FNTB: variants seen among roughly 807,000 people sequenced by gnomAD.
FNTB encodes protein farnesyltransferase subunit beta.
FNTB carries 27 observed loss-of-function variants against 59.4 expected under a neutral mutation model. The observed-to-expected ratio is 0.45, with a 90% CI of 0.34 to 0.63. FNTB has a LOEUF of 0.63. Among genes scored for constraint, FNTB ranks in the 20% least tolerant of loss-of-function variants. FNTB has a pLI of 0.02. For synonymous variants in FNTB, 230 were observed against 220.7 expected, an observed-to-expected ratio of 1.04 and a Z score of -0.37; for missense variants, 449 against 559.6, an observed-to-expected ratio of 0.80 and a Z score of 1.99.
At position 65,012,368 on chromosome 14, in the gene FNTB, A is replaced by G. The variant is rs778042237; in HGVS notation, c.261A>G (p.Arg87=). ...TCCATTATCTGAAAAGAGGCCTTCGACAACTGACAGATGCCTATGAGGTAA... is the reference window on the plus strand; with the variant it reads ...TCCATTATCTGAAAAGAGGCCTTCGGCAACTGACAGATGCCTATGAGGTAA... The part of the protein sequence containing the change: ...KHFHYLKRGL[R]QLTDAYECLD... The change falls in exon 3 of 12, where the codon CGA becomes CGG. Residue 87 remains arginine, a synonymous_variant. Transcript: ENST00000246166. This position sits in a 1 kb window ranked among gnomAD's most constrained non-coding sequence, Gnocchi z 5.0. 6.2e-7 allele frequency: 1 copy of G among 1,614,192 alleles called. No individual in the cohort carries two copies.
intron 7 of FNTB, among the ~76,000 whole-genome samples, chr14:65,037,426 T>TGAGACG (rs2062224368): frequency 8.6e-6 from 1 of 115,988 alleles, no homozygotes; most frequent in African/African-American, 3.5e-5. Context: ...TTTTTTTTTT[T>TGAGACG]TTTTTTTTTT....
rs2062106200 is a variant in FNTB, at chr14:65,032,538, G to A, written c.606-72G>A. ...GCTTACTAGGCAAGGCGAGCAGTCC[G>A]CCCGCGGAGTTCACTGAGCCTCATT... is the stretch of plus-strand genomic sequence containing the variant. On this transcript the variant is annotated intron_variant, in intron 6 of 11. Transcript: ENST00000246166. This position sits in a 1 kb window ranked among gnomAD's most constrained non-coding sequence, Gnocchi z 5.0. 16 of 1,558,912 alleles carry A rather than the reference G, an allele frequency of 1.0e-5. 1 individual carries two copies. Among genetic ancestry groups the A allele is most frequent in the South Asian group, 5.8e-5 (5 of 85,800 alleles).
In FNTB at chr14:65,011,472, C is replaced by T. The variant is rs114370689; in HGVS notation, c.210-845C>T. ...AAAAAAGACTGCATGAAGGCTCTTA[C>T]TCTGAGCCAAGTACAGTGGGAATTT... is the stretch of plus-strand genomic sequence containing the variant. On this transcript the variant is annotated intron_variant, in intron 2 of 11. Coordinates refer to ENST00000246166, the MANE Select transcript of FNTB (RefSeq NM_002028.4). The surrounding 1 kb of genome is among the most constrained non-coding windows in gnomAD (Gnocchi z 4.0). Among the ~76,000 whole-genome samples the T allele has an allele frequency of 9.2e-3, 1,371 of 148,982 alleles. 21 individuals carry two copies. The highest frequency in any genetic ancestry group is 0.031 in the African/African-American group (1,270 of 40,566).
chr14:64,996,766 C>CTTTTTTTTTTTTTTTTTTTTTTTT (rs34327825), intron 1 of FNTB, among the ~76,000 whole-genome samples: 1 of 94,464 alleles, frequency 1.1e-5, no homozygotes, highest in Non-Finnish European at 2.1e-5. Context: ...TTGCTAACAT[C>CTTTTTTTTTTTTTTTTTTTTTTTT]TTTTTTTTTT....
chr14:65,015,581 G>T (rs780146704), intron 3 of FNTB, 44 bp from the exon 4 acceptor site: 1 of 1,608,866 alleles, frequency 6.2e-7, no homozygotes, highest in South Asian at 1.1e-5. Context: ...GTGTCTTGGA[G>T]TGATTGTGAA....
chr14:65,032,599 T>G lies in FNTB; in HGVS notation c.606-11T>G. 1 of 1,613,006 alleles carries G rather than the reference T, an allele frequency of 6.2e-7. No homozygotes were observed. The highest frequency in any genetic ancestry group is 8.5e-7 in the Non-Finnish European group (1 of 1,179,818). On this transcript the variant is annotated splice_polypyrimidine_tract_variant and intron_variant, in intron 6 of 11. Coordinates refer to ENST00000246166, the MANE Select transcript of FNTB (RefSeq NM_002028.4). This position sits in a 1 kb window ranked among gnomAD's most constrained non-coding sequence, Gnocchi z 5.0. ...TAGAGCTTAATGTGTTTCCCGTTTC[T>G]GTCTTTCCAGAAGCGCATACTGTGC... is the stretch of plus-strand genomic sequence containing the variant.
chr14:65,032,710 G>A lies in FNTB; in HGVS notation c.692+14G>A, dbSNP rs748420900. 6.2e-7 allele frequency: 1 copy of A among 1,612,350 alleles called. No homozygotes were observed. On this transcript the variant is annotated intron_variant, in intron 7 of 11. Coordinates refer to ENST00000246166, the MANE Select transcript of FNTB (RefSeq NM_002028.4). This position sits in a 1 kb window ranked among gnomAD's most constrained non-coding sequence, Gnocchi z 5.0. The stretch of plus-strand genomic sequence containing the variant: ...ATGGATAGCAAGGTGAGAGAAGCCA[G>A]GGTTTCTCCTGGCCTCTTGGAGAGC...
rs1181225967 is a variant in FNTB at position 65,044,713 on chromosome 14, G to A, written c.955+270G>A. ...GCTACGGGGAGCGGGGAGGAAGTGGGCGCTGCTTCTGCGTTATCTGGAAGG... is the reference window on the plus strand; with the variant it reads ...GCTACGGGGAGCGGGGAGGAAGTGGACGCTGCTTCTGCGTTATCTGGAAGG... On this transcript the variant is annotated intron_variant, in intron 9 of 11. Coordinates refer to ENST00000246166, the MANE Select transcript of FNTB (RefSeq NM_002028.4). The surrounding 1 kb of genome is among the most constrained non-coding windows in gnomAD (Gnocchi z 5.5). 2.1e-6 allele frequency: 1 copy of A among 477,912 alleles called. No individual in the cohort carries two copies. Among genetic ancestry groups the A allele is most frequent in the Non-Finnish European group, 3.6e-6 (1 of 281,450 alleles). 29.6% of individuals were successfully genotyped at this position (477,912 alleles called of 1,614,324 possible). A position where few individuals can be genotyped will look rare whatever the true frequency, so the allele number is the denominator to read the frequency against.
rs2061656328 is a variant in FNTB at position 65,009,822 on chromosome 14, C to G, written c.210-2495C>G. ...TGCTCTTCCCTTTGGGAAGAGTTTTCTGACCCTCCATCTCTTCCCGTGGCT... is the reference window on the plus strand; with the variant it reads ...TGCTCTTCCCTTTGGGAAGAGTTTTGTGACCCTCCATCTCTTCCCGTGGCT... On this transcript the variant is annotated intron_variant, in intron 2 of 11. Coordinates refer to ENST00000246166, the MANE Select transcript of FNTB (RefSeq NM_002028.4). This position sits in a 1 kb window ranked among gnomAD's most constrained non-coding sequence, Gnocchi z 4.2. Among the ~76,000 whole-genome samples the G allele has an allele frequency of 6.6e-6, 1 of 152,124 alleles. No individual in the cohort carries two copies.
At chr14:65,006,853 G>A (rs907883035) in intron 2 of FNTB, among the ~76,000 whole-genome samples, 3 of 152,146 alleles carry the variant, frequency 2.0e-5, no homozygotes, top group Admixed American at 6.5e-5. Context: ...TTATAGTCTG[G>A]GAGGAAGCAG....
rs778200008 is a variant in FNTB at position 65,000,838 on chromosome 14, A to AAAAAAAAG, written c.145-3408_145-3407insAAAAGAAA. ...CTCAAAAAAAAAAAAAAAAAAAAAAAAAAGAATAGTTACCCAAAAAGCTGG... is the reference window on the plus strand; with the variant it reads ...CTCAAAAAAAAAAAAAAAAAAAAAAAAAAAAAAGAAAGAATAGTTACCCAAAAAGCTGG... On this transcript the variant is annotated intron_variant, in intron 1 of 11. Transcript: ENST00000246166. 1.5e-4 allele frequency among the ~76,000 whole-genome samples: 17 copies of AAAAAAAAG among 116,090 alleles called. 2 individuals are homozygous for AAAAAAAAG. Among genetic ancestry groups the AAAAAAAAG allele is most frequent in the East Asian group, 7.0e-4 (3 of 4,284 alleles). 76.2% of individuals were successfully genotyped at this position (116,090 alleles called of 152,430 possible). A position where few individuals can be genotyped will look rare whatever the true frequency, so the allele number is the denominator to read the frequency against.
chr14:64,987,270 G>T, intron 1 of FNTB, 173 bp downstream of exon 1: 1 of 728,694 alleles, frequency 1.4e-6, no homozygotes, highest in Middle Eastern at 4.0e-4. Context: ...TCGTCGTGGA[G>T]CGTTTGCGCG....
At position 65,032,953 on chromosome 14, in the gene FNTB, T is replaced by A. The variant is rs2062114545; in HGVS notation, c.692+257T>A. 6.6e-6 allele frequency among the ~76,000 whole-genome samples: 1 copy of A among 152,224 alleles called. No individual in the cohort carries two copies. Among genetic ancestry groups the A allele is most frequent in the Admixed American group, 6.5e-5 (1 of 15,284 alleles). ...AATATTAGTGAGAGCCTGAATTGAT[T>A]TAACCAGTTTTTAGAGCAATTTGAC... On this transcript the variant is annotated intron_variant, in intron 7 of 11. Coordinates refer to ENST00000246166, the MANE Select transcript of FNTB (RefSeq NM_002028.4). This position sits in a 1 kb window ranked among gnomAD's most constrained non-coding sequence, Gnocchi z 5.0.
chr14:65,060,520 C>A (rs2062838588), intron 11 of FNTB, among the ~76,000 whole-genome samples: 1 of 127,394 alleles, frequency 7.8e-6, no homozygotes, highest in Non-Finnish European at 1.5e-5. Flanking sequence ...AACGGTGAAA[C>A]CCCGTCTCTA....
At chr14:65,038,817 T>TTCTAA (rs1428529446) in intron 7 of FNTB, among the ~76,000 whole-genome samples, 1 of 152,246 alleles carries the variant, frequency 6.6e-6, no homozygotes, top group Non-Finnish European at 1.5e-5. Context: ...AGTATTTATC[T>TTCTAA]TCTAATCCTC....
chr14:65,025,751 G>A (rs918189904), intron 4 of FNTB, among the ~76,000 whole-genome samples: 3 of 152,166 alleles, frequency 2.0e-5, no homozygotes, highest in African/African-American at 7.2e-5. Context: ...GGGAGGTTGA[G>A]GCTGCAGTGA....
intron 1 of FNTB, among the ~76,000 whole-genome samples, chr14:64,992,080 A>G (rs1213425573): frequency 1.3e-5 from 2 of 152,162 alleles, no homozygotes; most frequent in Admixed American, 6.5e-5. Context: ...ACTAAATATG[A>G]TAAAACTTCC....
intron 11 of FNTB, among the ~76,000 whole-genome samples, chr14:65,059,230 C>G (rs756031712): frequency 1.2e-4 from 18 of 152,014 alleles, no homozygotes; most frequent in Admixed American, 2.6e-4. Flanking sequence ...GCTATGTTGC[C>G]TAGTCTGGTC....
intron 1 of FNTB, among the ~76,000 whole-genome samples, chr14:64,999,817 GAGTT>G (rs1226617010): frequency 6.6e-6 from 1 of 152,188 alleles, no homozygotes; most frequent in African/African-American, 2.4e-5. Flanking sequence ...TTTCAGATAT[GAGTT>G]AGTTACTAAC....
Sources: gnomAD v4.1 joint callset for allele counts (sites outside exome capture counted in the v4.1 genomes callset) on GRCh38, gnomAD v4.1.1 for gene constraint, Gnocchi (gnomAD v3.1) non-coding constraint, MANE v1.5 for transcripts, NCBI Gene and HGNC (gene_info 2026-07-23, HGNC 2026-07-21) for gene names.